The following DLGAP2 variants were observed in gnomAD, a reference collection of about 807,000 sequenced individuals.
The protein encoded by DLGAP2 is disks large-associated protein 2.
A neutral mutation model predicts 100.3 loss-of-function variants in DLGAP2; 26 were observed. The ratio of observed to expected loss-of-function variants is 0.26; its 90% confidence interval spans 0.19 to 0.36. The LOEUF is 0.36. Ranked by LOEUF, DLGAP2 falls within the 10% of genes least tolerant of loss-of-function variation. The probability of loss-of-function intolerance (pLI) is 1.00; values close to 1 mark genes in which losing one functional copy is unlikely to be tolerated. For missense variants in DLGAP2, 1,858 were observed against 1,453.2 expected (o/e 1.28, Z -4.53); for synonymous variants, 886 against 630.1 (o/e 1.41, Z -6.08).
chr8:1,589,046 C>G lies in DLGAP2; in HGVS notation c.1442+23152C>G, dbSNP rs139143406. Among the ~76,000 whole-genome samples, 430 of 152,328 alleles carry G rather than the reference C, an allele frequency of 2.8e-3. 4 individuals carry two copies. The highest frequency in any genetic ancestry group is 9.7e-3 in the African/African-American group (404 of 41,574). ...GGTACCATATCCTAGTTGACACACA[C>G]AAACTATCACACACAGCAATGAAAA... On this transcript the variant is annotated intron_variant, in intron 6 of 14. Coordinates refer to ENST00000637795, the MANE Select transcript of DLGAP2 (RefSeq NM_001346810.2).
In DLGAP2 at chr8:1,287,164, G is replaced by A. The variant is rs538806815; in HGVS notation, c.106+28281G>A. ...TGTGTGTGTGTGTGTGTGTGCGCGCGCGCGCGTGGTTCTGTTAGGAGGGGA... is the reference window on the plus strand; with the variant it reads ...TGTGTGTGTGTGTGTGTGTGCGCGCACGCGCGTGGTTCTGTTAGGAGGGGA... On this transcript the variant is annotated intron_variant, in intron 3 of 14. Transcript: ENST00000637795. Among the ~76,000 whole-genome samples, 47 of 132,272 alleles carry A rather than the reference G, an allele frequency of 3.6e-4. 2 individuals are homozygous for A. Among genetic ancestry groups the A allele is most frequent in the African/African-American group, 1.0e-3 (36 of 36,106 alleles). 86.8% of individuals were successfully genotyped at this position (132,272 alleles called of 152,430 possible).
chr8:1,312,648 G>C (rs114484599), intron 3 of DLGAP2, among the ~76,000 whole-genome samples: 1,741 of 152,264 alleles, frequency 0.011, 33 homozygotes, highest in African/African-American at 0.04. Context: ...CACTTAAAAT[G>C]AGTGAAATGG....
intron 1 of DLGAP2, among the ~76,000 whole-genome samples, chr8:841,777 T>G (rs1251613884): frequency 6.6e-6 from 1 of 152,166 alleles, no homozygotes; most frequent in Non-Finnish European, 1.5e-5. Context: ...AACCGTCACA[T>G]GAATTAATAC....
intron 3 of DLGAP2, among the ~76,000 whole-genome samples, chr8:1,354,505 A>G (rs76186922): frequency 6.6e-6 from 1 of 152,202 alleles, no homozygotes; most frequent in African/African-American, 2.4e-5. Context: ...AGAGCGAGAC[A>G]CTGTCTCAGA....
At chr8:1,650,191 C>G (rs969050544) in intron 8 of DLGAP2, among the ~76,000 whole-genome samples, 1 of 152,126 alleles carries the variant, frequency 6.6e-6, no homozygotes, top group Admixed American at 6.5e-5. Flanking sequence ...ATCAATTGAA[C>G]AAACTCACAA....
intron 1 of DLGAP2, among the ~76,000 whole-genome samples, chr8:807,083 T>C (rs916249918): frequency 2.0e-5 from 3 of 152,238 alleles, no homozygotes; most frequent in Non-Finnish European, 2.9e-5. Context: ...AGAGGTCAGA[T>C]TCTGCCACGC....
chr8:745,135 G>T (rs73178898), intron 1 of DLGAP2, among the ~76,000 whole-genome samples: 4 of 152,134 alleles, frequency 2.6e-5, no homozygotes, highest in African/African-American at 9.7e-5. Context: ...CAAGCACAGC[G>T]GCAGGTTCTT....
At chr8:1,328,631 G>A (rs772116851) in intron 3 of DLGAP2, among the ~76,000 whole-genome samples, 2 of 152,124 alleles carry the variant, frequency 1.3e-5, no homozygotes, top group Non-Finnish European at 2.9e-5. Flanking sequence ...GATTACAGGC[G>A]GAAGCCACTG....
chr8:890,008 C>T (rs186348020), intron 1 of DLGAP2, among the ~76,000 whole-genome samples: 3 of 152,218 alleles, frequency 2.0e-5, no homozygotes, highest in East Asian at 3.9e-4. Context: ...AGGGACTCCC[C>T]TTCCCCGTGT....
At chr8:1,531,793 A>G (rs1800997860) in intron 4 of DLGAP2, among the ~76,000 whole-genome samples, 1 of 152,200 alleles carries the variant, frequency 6.6e-6, no homozygotes, top group African/African-American at 2.4e-5. Context: ...AGTTAGAGCT[A>G]CATGTAAATC....
At chr8:1,157,577 C>T (rs1585109217) in intron 2 of DLGAP2, among the ~76,000 whole-genome samples, 1 of 152,196 alleles carries the variant, frequency 6.6e-6, no homozygotes, top group Non-Finnish European at 1.5e-5. Context: ...GCTCCCAGAG[C>T]AAGACCAGCC....
chr8:1,245,626 T>C (rs1798886780), intron 2 of DLGAP2, among the ~76,000 whole-genome samples: 1 of 152,194 alleles, frequency 6.6e-6, no homozygotes. Context: ...GATTTATTTT[T>C]GGAGTGACGA....
chr8:1,054,454 G>A (rs952845832), intron 2 of DLGAP2, among the ~76,000 whole-genome samples: 1 of 152,022 alleles, frequency 6.6e-6, no homozygotes, highest in African/African-American at 2.4e-5. Context: ...CTTTGTAGAC[G>A]TCTATCATTG....
At chr8:1,410,013 C>T (rs1231803203) in intron 3 of DLGAP2, among the ~76,000 whole-genome samples, 4 of 152,204 alleles carry the variant, frequency 2.6e-5, no homozygotes, top group African/African-American at 9.6e-5. Flanking sequence ...CTCCAGAGAA[C>T]CCTGACCGAT....
intron 3 of DLGAP2, among the ~76,000 whole-genome samples, chr8:1,409,858 G>A (rs77574358): frequency 0.053 from 8,049 of 152,244 alleles, 495 homozygotes; most frequent in East Asian, 0.25. Flanking sequence ...CAGCCCCTCA[G>A]TGCCGGGGCC....
intron 7 of DLGAP2, among the ~76,000 whole-genome samples, chr8:1,630,121 C>G (rs1329989397): frequency 6.6e-6 from 1 of 151,966 alleles, no homozygotes; most frequent in Non-Finnish European, 1.5e-5. Context: ...TTAAATTGAA[C>G]TCAGTTTTGA....
intron 2 of DLGAP2, among the ~76,000 whole-genome samples, chr8:1,150,038 G>A (rs1796671584): frequency 6.6e-6 from 1 of 152,178 alleles, no homozygotes; most frequent in Non-Finnish European, 1.5e-5. Context: ...TTGATATTTA[G>A]ATTTAGTGAC....
At chr8:1,458,015 A>ATATATATAC (rs1452643912) in intron 3 of DLGAP2, among the ~76,000 whole-genome samples, 2 of 82,242 alleles carry the variant, frequency 2.4e-5, no homozygotes, top group Admixed American at 2.5e-4. Context: ...TATATATATA[A>ATATATATAC]TTTTTTATAT....
intron 3 of DLGAP2, among the ~76,000 whole-genome samples, chr8:1,287,037 C>T (rs1181040170): frequency 2.0e-5 from 3 of 152,212 alleles, no homozygotes; most frequent in African/African-American, 7.2e-5. Context: ...ATTTGTTCAA[C>T]TCAGTGTTGT....
Sources: allele counts gnomAD v4.1 joint callset (sites outside exome capture counted in the v4.1 genomes callset), GRCh38; gene constraint gnomAD v4.1.1; transcripts MANE v1.5; gene names NCBI Gene and HGNC (gene_info 2026-07-23, HGNC 2026-07-21).